The following LCN12 variants were observed in gnomAD, a reference collection of about 807,000 sequenced individuals.
LCN12 encodes the protein epididymal-specific lipocalin-12.
Under a neutral mutation model 23.7 loss-of-function variants are expected in LCN12, and 15 were observed. That is an observed-to-expected ratio of 0.63 (90% CI 0.42 to 0.97). LCN12 has a LOEUF of 0.97. Ranked by LOEUF, LCN12 falls within the 50% of genes least tolerant of loss-of-function variation. The probability of loss-of-function intolerance (pLI) is 0.00; values close to 1 mark genes in which losing one functional copy is unlikely to be tolerated. For synonymous variants in LCN12, 116 were observed against 111.5 expected, an observed-to-expected ratio of 1.04 and a Z score of -0.25; for missense variants, 219 against 249.6, an observed-to-expected ratio of 0.88 and a Z score of 0.83.
At chr9:136,950,516 A>G (rs539603493), upstream of LCN12, among the ~76,000 whole-genome samples, 2 of 151,986 alleles carry the variant, frequency 1.3e-5, no homozygotes, top group Non-Finnish European at 2.9e-5. Context: ...CGTAGCGGGG[A>G]CTGTCCTGTA....
chr9:136,949,734 G>A (rs1851104007), upstream of LCN12: 1 of 152,766 alleles, frequency 6.5e-6, no homozygotes, highest in Non-Finnish European at 1.5e-5. Context: ...TGGGGGTGCC[G>A]GGGAGCGAAG....
chr9:136,954,916 GCA>G, intron 5 of LCN12: 1 of 1,230,114 alleles, frequency 8.1e-7, no homozygotes, highest in Non-Finnish European at 1.0e-6. Flanking sequence ...ATAACCACAT[GCA>G]CACACACTCA....
chr9:136,955,157 G>A, intron 5 of LCN12: 2 of 1,416,438 alleles, frequency 1.4e-6, no homozygotes, highest in African/African-American at 2.9e-5. Context: ...TGAGGACCTG[G>A]GGCTGTTGGG....
intron 2 of LCN12, 124 bp downstream of exon 2, chr9:136,953,152 C>T: frequency 7.5e-7 from 1 of 1,324,854 alleles, no homozygotes; most frequent in Non-Finnish European, 1.0e-6. Context: ...ACTCTGCCTG[C>T]CAATGACCAA....
chr9:136,954,402 C>G (rs1195749307), intron 5 of LCN12, 147 bp downstream of exon 5: 1 of 971,656 alleles, frequency 1.0e-6, no homozygotes, highest in African/African-American at 1.6e-5. Flanking sequence ...CTCCTGGGTC[C>G]CTGTGCTCAA....
intron 1 of LCN12, 51 bp downstream of exon 1, chr9:136,952,492 G>A: frequency 7.6e-7 from 1 of 1,311,838 alleles, no homozygotes; most frequent in Non-Finnish European, 1.1e-6. Flanking sequence ...CTGAGTGCAG[G>A]GAGAGGCTGG....
chr9:136,953,119 G>A (rs953659961), intron 2 of LCN12, 91 bp downstream of exon 2: 12 of 1,517,350 alleles, frequency 7.9e-6, no homozygotes, highest in South Asian at 3.5e-5. Context: ...CATGGGCCCT[G>A]TCCCAGCACA....
intron 5 of LCN12, chr9:136,954,661 C>T (rs1851278375): frequency 8.1e-7 from 1 of 1,230,098 alleles, no homozygotes; most frequent in Non-Finnish European, 1.1e-6. Flanking sequence ...TCTGGGTCCC[C>T]TGTCCTGGGC....
At chr9:136,953,630 T>C (rs1323963964) in intron 2 of LCN12, 70 bp from the exon 3 acceptor site, 3 of 1,201,744 alleles carry the variant, frequency 2.5e-6, no homozygotes, top group East Asian at 5.1e-5. Context: ...TGAAATCTCC[T>C]GAGGGGCCCA....
chr9:136,950,722 T>C (rs1194960539), upstream of LCN12, among the ~76,000 whole-genome samples: 2 of 152,132 alleles, frequency 1.3e-5, no homozygotes, highest in Non-Finnish European at 2.9e-5. Flanking sequence ...TATTTCCAAC[T>C]TTTCCTTCCC....
chr9:136,953,142 A>C, intron 2 of LCN12, 114 bp downstream of exon 2: 3 of 1,424,258 alleles, frequency 2.1e-6, no homozygotes, highest in Admixed American at 3.8e-5. Flanking sequence ...CAGCTTCATG[A>C]CTCTGCCTGC....
chr9:136,954,056 G>A lies in LCN12; in HGVS notation c.448+92G>A, dbSNP rs927985084. On this transcript the variant is annotated intron_variant, in intron 4 of 5. Transcript: ENST00000371633. ...CAGACCCTGCCTCCCCACCCCGCCT[G>A]GAGTGACTTGGGGGTACAGATAGTT... 8.4e-6 allele frequency: 13 copies of A among 1,539,696 alleles called. No homozygotes were observed. The African/African-American group carries it at 1.5e-4, about 18-fold the overall frequency.
upstream of LCN12, among the ~76,000 whole-genome samples, chr9:136,950,595 C>A (rs932214718): frequency 4.6e-5 from 7 of 152,214 alleles, no homozygotes; most frequent in Admixed American, 4.6e-4. Context: ...GGGAGGGGTG[C>A]CTGCTGCGCT....
Position 136,953,718 on chromosome 9 carries a change from A to G in LCN12, c.270A>G (p.Thr90=), listed in dbSNP as rs199975609. 2.8e-3 allele frequency: 4,480 copies of G among 1,599,418 alleles called. 29 individuals are homozygous for G. Among genetic ancestry groups the G allele is most frequent in the South Asian group, 0.013 (1,172 of 88,240 alleles). ...NAMTRGQHCD[T]WSYVLIPAAQ... Reference sequence around the variant, plus strand: ...CCTACAGAGGCCAGCACTGTGACACATGGTCTTATGTGCTGATACCGGCAG... The same window carrying G: ...CCTACAGAGGCCAGCACTGTGACACGTGGTCTTATGTGCTGATACCGGCAG... The change falls in exon 3 of 6, where the codon ACA becomes ACG. Residue 90 remains threonine, a synonymous_variant. Transcript: ENST00000371633.
upstream of LCN12, among the ~76,000 whole-genome samples, chr9:136,950,118 G>A (rs558536843): frequency 4.3e-4 from 66 of 152,358 alleles, no homozygotes; most frequent in African/African-American, 1.6e-3. Context: ...GCACCTGCAG[G>A]GCCCTGATTG....
At chr9:136,951,798 C>T (rs114393220), upstream of LCN12, among the ~76,000 whole-genome samples, 1,176 of 151,654 alleles carry the variant, frequency 7.8e-3, 17 homozygotes, top group African/African-American at 0.027. Flanking sequence ...CCACGGCCCA[C>T]GCTGCGGTTC....
chr9:136,955,720 G>A (rs1212364027), downstream of LCN12, among the ~76,000 whole-genome samples: 1 of 152,190 alleles, frequency 6.6e-6, no homozygotes, highest in Non-Finnish European at 1.5e-5. Flanking sequence ...TCGTTCCCAG[G>A]CCAAGGCCCC....
At chr9:136,956,333 T>C (rs1209690960), downstream of LCN12, among the ~76,000 whole-genome samples, 2 of 152,184 alleles carry the variant, frequency 1.3e-5, no homozygotes, top group Non-Finnish European at 2.9e-5. Context: ...CTCAGAAGCA[T>C]GGCCCTTGTT....
intron 1 of LCN12, 33 bp from the exon 2 acceptor site, chr9:136,952,859 C>A: frequency 6.3e-7 from 1 of 1,587,522 alleles, no homozygotes; most frequent in Non-Finnish European, 8.6e-7. Context: ...CACCCCTGCC[C>A]ACCGCCGCCC....
Sources: gnomAD v4.1 joint callset for allele counts (sites outside exome capture counted in the v4.1 genomes callset) on GRCh38, gnomAD v4.1.1 for gene constraint, MANE v1.5 for transcripts, NCBI Gene and HGNC (gene_info 2026-07-23, HGNC 2026-07-21) for gene names.